The following NTS variants were observed in gnomAD, a reference collection of about 807,000 sequenced individuals.
NTS encodes the protein neurotensin.
Under a neutral mutation model 19.5 loss-of-function variants are expected in NTS, and 20 were observed. The ratio of observed to expected loss-of-function variants is 1.02; its 90% CI spans 0.72 to 1.49. NTS has a LOEUF of 1.49. Among genes scored for constraint, NTS ranks in the 40% most tolerant of loss-of-function variants. The pLI is 0.00. For synonymous variants in NTS, 71 were observed against 63.3 expected (o/e 1.12, Z -0.58); for missense variants, 215 against 193.1 (o/e 1.11, Z -0.67).
At chr12:85,874,516 C>CT (rs761630028) in intron 1 of NTS, 40 bp downstream of exon 1, 3 of 1,393,114 alleles carry the variant, frequency 2.2e-6, no homozygotes, top group African/African-American at 1.4e-5. Context: ...GAAGTGATTT[C>CT]TTTTTTCTCT....
chr12:85,878,613 T>A, intron 3 of NTS, 44 bp downstream of exon 3: 1 of 1,092,988 alleles, frequency 9.1e-7, no homozygotes, highest in Non-Finnish European at 1.3e-6. Context: ...GTTACACTAG[T>A]TAGCTCTCAT....
intron 3 of NTS, among the ~76,000 whole-genome samples, chr12:85,880,824 C>T (rs1183577943): frequency 6.6e-6 from 1 of 152,000 alleles, no homozygotes; most frequent in African/African-American, 2.4e-5. Flanking sequence ...TAGTGGCCGG[C>T]GCCTGTAGTC....
rs1409974422 is a variant in NTS at position 85,878,469 on chromosome 12, G to T, written c.260G>T (p.Arg87Met). 6.2e-7 allele frequency: 1 copy of T among 1,613,776 alleles called. No homozygotes were observed. The highest frequency in any genetic ancestry group is 2.2e-5 in the East Asian group (1 of 44,848). ...EVHEEELVARRKLPTALDGFS... is the reference protein window; with the variant it reads ...EVHEEELVARMKLPTALDGFS... ...CATGAAGAGGAGCTTGTTGCAAGAA[G>T]GAAACTTCCTACTGCTTTAGATGGC... Residue 87 changes from arginine (R) to methionine (M), a missense_variant, in exon 3 of 4, where the codon AGG becomes ATG. By Grantham distance (91) the Arg-to-Met change is moderately conservative (BLOSUM62 -1). Transcript: ENST00000256010.
rs755581296 is a variant in NTS at position 85,876,719 on chromosome 12, T to C, written c.135+18T>C. 2 of 1,444,942 alleles carry C rather than the reference T, an allele frequency of 1.4e-6. No individual in the cohort carries two copies. Among genetic ancestry groups the C allele is most frequent in the South Asian group, 2.5e-5 (2 of 78,912 alleles). The allele number at this position is 1,444,942 out of a possible 1,614,324, so 89.5% of individuals were successfully genotyped here. A position where few individuals can be genotyped will look rare whatever the true frequency, so the allele number is the denominator to read the frequency against. ...CATCAAAGGTAACTTTTTCTTTTCTTTAACCCTGAGTTGAAGAACATATGA... is the reference window on the plus strand; with the variant it reads ...CATCAAAGGTAACTTTTTCTTTTCTCTAACCCTGAGTTGAAGAACATATGA... On this transcript the variant is annotated intron_variant, in intron 2 of 3. Coordinates refer to ENST00000256010, the MANE Select transcript of NTS (RefSeq NM_006183.5).
chr12:85,874,473 T>G lies in NTS; in HGVS notation c.70T>G (p.Ser24Ala). Residue 24 changes from serine to alanine, a missense_variant, in exon 1 of 4, where the codon TCA becomes GCA. Ser to Ala is a moderately conservative substitution (Grantham distance 99, BLOSUM62 1). Transcript: ENST00000256010. ...LLAFSSWSLC[S>A]DSEEEMKALE... is the part of the protein sequence containing the mutation. ...GGCTTTCAGCTCCTGGAGTCTGTGCTCAGGTAAGCAAAACAGAATTTCACA... is the reference window on the plus strand; with the variant it reads ...GGCTTTCAGCTCCTGGAGTCTGTGCGCAGGTAAGCAAAACAGAATTTCACA... The G allele has an allele frequency of 2.5e-6, 4 of 1,610,016 alleles. No individual in the cohort carries two copies. The South Asian group carries it at 4.4e-5, about 18-fold the overall frequency.
chr12:85,882,500 A>G lies in NTS; in HGVS notation c.*125A>G, dbSNP rs1304080293. 7 of 772,900 alleles carry G rather than the reference A, an allele frequency of 9.1e-6. No homozygotes were observed. Among genetic ancestry groups the G allele is most frequent in the Non-Finnish European group, 1.2e-5 (6 of 489,066 alleles). 47.9% of individuals were successfully genotyped at this position (772,900 alleles called of 1,614,324 possible). ...CTCTTCTACAATTGTGGTTTATTGA[A>G]TGTGATTTTTCTGCACTAATATAAA... On this transcript the variant is annotated 3_prime_UTR_variant, in exon 4 of 4. Coordinates refer to ENST00000256010, the MANE Select transcript of NTS (RefSeq NM_006183.5).
intron 2 of NTS, 187 bp from the exon 3 acceptor site, chr12:85,878,157 TA>T (rs1881389073): frequency 4.2e-6 from 2 of 477,796 alleles, no homozygotes; most frequent in Non-Finnish European, 7.4e-6. Flanking sequence ...TGCATTTTAT[TA>T]AACAGAAGTT....
At chr12:85,881,815 T>C (rs1396435303) in intron 3 of NTS, among the ~76,000 whole-genome samples, 2 of 152,140 alleles carry the variant, frequency 1.3e-5, no homozygotes, top group African/African-American at 2.4e-5. Flanking sequence ...TCAAAAACTA[T>C]ATTTATTGTA....
At chr12:85,877,510 G>A (rs1447025711) in intron 2 of NTS, among the ~76,000 whole-genome samples, 1 of 151,162 alleles carries the variant, frequency 6.6e-6, no homozygotes, top group African/African-American at 2.4e-5. Context: ...TCTGTACCTA[G>A]GAATACGTTC....
rs960866607 is a variant in NTS, at chr12:85,878,377, G to A, written c.168G>A (p.Met56Ile). 3.1e-6 allele frequency: 5 copies of A among 1,609,746 alleles called. No individual in the cohort carries two copies. Among genetic ancestry groups the A allele is most frequent in the Non-Finnish European group, 3.4e-6 (4 of 1,177,432 alleles). The change falls in exon 3 of 4, where the codon ATG becomes ATA. Residue 56 changes from methionine to isoleucine, a missense_variant. Coordinates refer to ENST00000256010, the MANE Select transcript of NTS (RefSeq NM_006183.5). ...AAGCACATGTTCCCTCTTGGAAGATGACTCTGCTAAATGTTTGCAGTCTTG... is the reference window on the plus strand; with the variant it reads ...AAGCACATGTTCCCTCTTGGAAGATAACTCTGCTAAATGTTTGCAGTCTTG... ...ISKAHVPSWK[M>I]TLLNVCSLVN...
intron 1 of NTS, among the ~76,000 whole-genome samples, chr12:85,875,543 G>C (rs1176007071): frequency 1.3e-5 from 2 of 151,802 alleles, no homozygotes; most frequent in Non-Finnish European, 2.9e-5. Context: ...ATAACTTTCA[G>C]CTTCTACTTT....
At chr12:85,878,287 C>T in intron 2 of NTS, 58 bp from the exon 3 acceptor site, 1 of 1,236,556 alleles carries the variant, frequency 8.1e-7, no homozygotes, top group South Asian at 1.5e-5. Context: ...ACTAGGAATT[C>T]ATTTCTTGCT....
In NTS at chr12:85,882,262, A is replaced by C. The variant is rs139093548; in HGVS notation, c.400A>C (p.Asn134His). ...TATTCTTGATACTGGAAATGACAAA[A>C]ATGGAAAGGAAGAAGTCATAAAGAG... ...EDILDTGNDKNGKEEVIKRKI... is the reference protein window; with the variant it reads ...EDILDTGNDKHGKEEVIKRKI... Residue 134 changes from asparagine (N) to histidine (H), a missense_variant, in exon 4 of 4, where the codon AAT becomes CAT. Coordinates refer to ENST00000256010, the MANE Select transcript of NTS (RefSeq NM_006183.5). 3.1e-5 allele frequency: 50 copies of C among 1,605,276 alleles called. No individual in the cohort carries two copies. In the African/African-American group the frequency reaches 5.6e-4, roughly 18 times the overall value.
At chr12:85,878,783 A>G (rs1881405091) in intron 3 of NTS, among the ~76,000 whole-genome samples, 1 of 152,108 alleles carries the variant, frequency 6.6e-6, no homozygotes, top group African/African-American at 2.4e-5. Context: ...TCAATATTAA[A>G]AAGAGGATAT....
At chr12:85,876,469 A>G (rs183353278) in intron 1 of NTS, among the ~76,000 whole-genome samples, 171 bp from the exon 2 acceptor site, 184 of 151,988 alleles carry the variant, frequency 1.2e-3, no homozygotes, top group African/African-American at 4.2e-3. Flanking sequence ...TTAGCTTCCT[A>G]TTATGCTAAA....
chr12:85,881,552 A>C (rs189641384), intron 3 of NTS, among the ~76,000 whole-genome samples: 1 of 152,146 alleles, frequency 6.6e-6, no homozygotes, highest in Non-Finnish European at 1.5e-5. Context: ...AAGATTCTAC[A>C]TGGTGCTTAA....
intron 3 of NTS, among the ~76,000 whole-genome samples, chr12:85,879,192 G>A (rs11117067): frequency 0.019 from 21 of 1,094 alleles, no homozygotes; most frequent in South Asian, 0.05. Flanking sequence ...ATATTTTTAT[G>A]TATATTTTAT....
At chr12:85,879,698 TTTTATGTATATAAAATATATTTTTTGTA>T in intron 3 of NTS, among the ~76,000 whole-genome samples, 1 of 139,802 alleles carries the variant, frequency 7.2e-6, no homozygotes, top group South Asian at 2.2e-4. Context: ...TTTTTGTATA[TTTTATGTATATAAAATATATTTTTTGTA>T]TATTTTATGT....
intron 2 of NTS, among the ~76,000 whole-genome samples, chr12:85,877,403 T>C: frequency 1.6e-5 from 1 of 62,532 alleles, no homozygotes. Context: ...TACATGTTCT[T>C]TTTTTTTTTT....
Sources: allele counts gnomAD v4.1 joint callset (sites outside exome capture counted in the v4.1 genomes callset), GRCh38; gene constraint gnomAD v4.1.1; transcripts MANE v1.5; gene names NCBI Gene and HGNC (gene_info 2026-07-23, HGNC 2026-07-21).